The following CFAP20 variants were observed in gnomAD, a reference collection of about 807,000 sequenced individuals.
CFAP20 encodes the protein cilia and flagella associated protein 20.
A neutral mutation model predicts 25.5 loss-of-function variants in CFAP20; 14 were observed. The ratio of observed to expected loss-of-function variants is 0.55; its 90% CI spans 0.36 to 0.86. CFAP20 has a LOEUF of 0.86. CFAP20 is among the 40% of genes least tolerant of loss of function. The pLI, the probability that CFAP20 is intolerant of heterozygous loss-of-function variation, is 0.01. For missense variants in CFAP20, 181 were observed against 248.0 expected (o/e 0.73, Z 1.81); for synonymous variants, 75 against 91.1 (o/e 0.82, Z 1.01).
At chr16:58,128,840 C>T (rs1272071524) in intron 1 of CFAP20, among the ~76,000 whole-genome samples, 192 bp downstream of exon 1, 1 of 147,176 alleles carries the variant, frequency 6.8e-6, no homozygotes, top group Non-Finnish European at 1.5e-5. Context: ...CCGCCCCCCC[C>T]CCACCTCCTC....
At chr16:58,120,805 A>T (rs1960524535) in intron 1 of CFAP20, among the ~76,000 whole-genome samples, 1 of 152,252 alleles carries the variant, frequency 6.6e-6, no homozygotes, top group South Asian at 2.1e-4. Flanking sequence ...TGTTGAAGGA[A>T]TGCCCATCAG....
chr16:58,114,694 C>G, intron 5 of CFAP20, 116 bp downstream of exon 5: 1 of 756,134 alleles, frequency 1.3e-6, no homozygotes, highest in Non-Finnish European at 2.2e-6. Context: ...TATAAAGGCA[C>G]CCCAAAGTGT....
Position 58,116,113 on chromosome 16 carries a change from C to T in CFAP20, c.204G>A (p.Thr68=), listed in dbSNP as rs765237816. The part of the protein sequence containing the change: ...YITCPADPKK[T]LGIKLPFLVM... The stretch of plus-strand genomic sequence containing the variant: ...CAAGGAAAGGAAGTTTAATTCCCAG[C>T]GTCTTCTTGGGGTCTGCAGGGCATG... The change falls in exon 3 of 6, where the codon ACG becomes ACA. Residue 68 remains threonine (T), a synonymous_variant. Coordinates refer to ENST00000262498, the MANE Select transcript of CFAP20 (RefSeq NM_013242.3). The T allele has an allele frequency of 8.1e-6, 13 of 1,613,628 alleles. No homozygotes were observed. Among genetic ancestry groups the T allele is most frequent in the Middle Eastern group, 1.6e-4 (1 of 6,084 alleles).
rs1297831795 is a variant in CFAP20, at chr16:58,120,284, C to T, written c.85-3333G>A. 2.0e-5 allele frequency among the ~76,000 whole-genome samples: 3 copies of T among 152,184 alleles called. No individual in the cohort carries two copies. In the East Asian group the frequency reaches 5.8e-4, roughly 29 times the overall value. On this transcript the variant is annotated intron_variant, in intron 1 of 5. Coordinates refer to ENST00000262498, the MANE Select transcript of CFAP20 (RefSeq NM_013242.3). Reference sequence around the variant, plus strand: ...AAGAGCAAATAGACAGTTAAATTGACAGGATTAAGAAGTAACTTGGGCCTG... The same window carrying T: ...AAGAGCAAATAGACAGTTAAATTGATAGGATTAAGAAGTAACTTGGGCCTG...
At chr16:58,122,213 G>C (rs1960542953) in intron 1 of CFAP20, among the ~76,000 whole-genome samples, 1 of 152,204 alleles carries the variant, frequency 6.6e-6, no homozygotes, top group Non-Finnish European at 1.5e-5. Flanking sequence ...GCAACTCTGG[G>C]CATACACCAA....
chr16:58,116,600 T>C (rs1960460982), intron 2 of CFAP20: 2 of 490,740 alleles, frequency 4.1e-6, no homozygotes, highest in South Asian at 7.1e-5. Flanking sequence ...TCGTGCTTAC[T>C]ATGTGCTAAG....
chr16:58,116,211 C>T (rs1960456636), intron 2 of CFAP20, 59 bp from the exon 3 acceptor site: 11 of 1,262,890 alleles, frequency 8.7e-6, no homozygotes, highest in Non-Finnish European at 1.3e-5. Flanking sequence ...TTGTGGTATG[C>T]ACAACAATAA....
Position 58,115,381 on chromosome 16 carries a change from A to G in CFAP20, c.353T>C (p.Ile118Thr). ...ATCCAGCCGCATGGGCATGGTGCAG[A>G]TGAAGGGTTTGACCCGGGTGGTGCT... is the stretch of plus-strand genomic sequence containing the variant. ...YQSTTRVKPF[I>T]CTMPMRLDDG... is the part of the protein sequence containing the mutation. Residue 118 changes from isoleucine (I) to threonine (T), a missense_variant, in exon 4 of 6, where the codon ATC (isoleucine) becomes ACC (threonine). Coordinates refer to ENST00000262498, the MANE Select transcript of CFAP20 (RefSeq NM_013242.3). The G allele has an allele frequency of 6.2e-7, 1 of 1,614,226 alleles. No homozygotes were observed. Among genetic ancestry groups the G allele is most frequent in the South Asian group, 1.1e-5 (1 of 91,084 alleles).
chr16:58,129,350 C>T lies in CFAP20; in HGVS notation c.-235G>A. The T allele has an allele frequency of 6.0e-6, 3 of 497,922 alleles. No individual in the cohort carries two copies. In the East Asian group the frequency reaches 9.7e-5, roughly 16 times the overall value. 30.8% of individuals were successfully genotyped at this position (497,922 alleles called of 1,614,324 possible). A position where few individuals can be genotyped will look rare whatever the true frequency, so the allele number is the denominator to read the frequency against. ...TCAGAACGGAAACCACAGCAACTAC[C>T]GTCCGCGCCGCGGTATTTCCCCGCC... On this transcript the variant is annotated 5_prime_UTR_variant, in exon 1 of 6. Transcript: ENST00000262498.
intron 1 of CFAP20, chr16:58,119,317 G>A (rs896054629): frequency 1.3e-5 from 2 of 152,282 alleles, no homozygotes; most frequent in African/African-American, 4.8e-5. Context: ...TTCTATCTTC[G>A]ACAATGCTTA....
Position 58,129,299 on chromosome 16 carries a change from C to T in CFAP20, c.-184G>A. Reference sequence around the variant, plus strand: ...CTCGGACGCGGCAACGCTAAGTCCGCGATCTTCAGCTCCTAAGCTGCGAGC... The same window carrying T: ...CTCGGACGCGGCAACGCTAAGTCCGTGATCTTCAGCTCCTAAGCTGCGAGC... On this transcript the variant is annotated 5_prime_UTR_variant, in exon 1 of 6. Coordinates refer to ENST00000262498, the MANE Select transcript of CFAP20 (RefSeq NM_013242.3). 4 of 602,554 alleles carry T rather than the reference C, an allele frequency of 6.6e-6. No homozygotes were observed. The highest frequency in any genetic ancestry group is 3.5e-4 in the Middle Eastern group (1 of 2,826). 37.3% of individuals were successfully genotyped at this position (602,554 alleles called of 1,614,324 possible). A position where few individuals can be genotyped will look rare whatever the true frequency, so the allele number is the denominator to read the frequency against.
chr16:58,114,539 A>G (rs1246727360), intron 5 of CFAP20, among the ~76,000 whole-genome samples: 1 of 151,882 alleles, frequency 6.6e-6, no homozygotes, highest in African/African-American at 2.4e-5. Flanking sequence ...AAAAAAAAAA[A>G]GTTAAGATAT....
At chr16:58,128,086 G>A (rs1286562618) in intron 1 of CFAP20, among the ~76,000 whole-genome samples, 1 of 152,224 alleles carries the variant, frequency 6.6e-6, no homozygotes, top group Non-Finnish European at 1.5e-5. Context: ...TCACATTGGA[G>A]TGCCTCCCGT....
At chr16:58,122,853 A>C (rs1960553387) in intron 1 of CFAP20, among the ~76,000 whole-genome samples, 1 of 152,218 alleles carries the variant, frequency 6.6e-6, no homozygotes, top group African/African-American at 2.4e-5. Flanking sequence ...ACTATCCAGC[A>C]ACAGCAGAAG....
intron 1 of CFAP20, among the ~76,000 whole-genome samples, chr16:58,118,628 A>G (rs1015598777): frequency 1.4e-4 from 21 of 151,996 alleles, no homozygotes; most frequent in Admixed American, 1.2e-3. Flanking sequence ...TCAGGAGTTC[A>G]AGACCAGTCT....
At chr16:58,114,730 A>C (rs1477515836) in intron 5 of CFAP20, 80 bp downstream of exon 5, 2 of 1,168,846 alleles carry the variant, frequency 1.7e-6, no homozygotes. Flanking sequence ...CTGCAGCTGA[A>C]TTCTTAGACC....
At chr16:58,123,647 T>C (rs1031445602) in intron 1 of CFAP20, among the ~76,000 whole-genome samples, 5 of 132,654 alleles carry the variant, frequency 3.8e-5, no homozygotes, top group Non-Finnish European at 6.5e-5. Context: ...AATTACAGCA[T>C]GTTTTACACA....
At chr16:58,114,731 T>C in intron 5 of CFAP20, 79 bp downstream of exon 5, 1 of 1,177,510 alleles carries the variant, frequency 8.5e-7, no homozygotes, top group South Asian at 1.3e-5. Context: ...TGCAGCTGAA[T>C]TCTTAGACCA....
intron 1 of CFAP20, among the ~76,000 whole-genome samples, chr16:58,125,085 T>C (rs987665648): frequency 1.3e-5 from 2 of 152,264 alleles, no homozygotes; most frequent in Non-Finnish European, 2.9e-5. Context: ...ATTTTCTTTC[T>C]ATATATCTTT....
Sources: gnomAD v4.1 joint callset for allele counts (sites outside exome capture counted in the v4.1 genomes callset) on GRCh38, gnomAD v4.1.1 for gene constraint, MANE v1.5 for transcripts, NCBI Gene and HGNC (gene_info 2026-07-23, HGNC 2026-07-21) for gene names.